The following SKAP2 variants were observed in gnomAD, a reference collection of about 807,000 sequenced individuals.
The protein encoded by SKAP2 is src kinase associated phosphoprotein 2, also known as src kinase-associated phosphoprotein 2.
Under a neutral mutation model 54.9 loss-of-function variants are expected in SKAP2, and 28 were observed. The ratio of observed to expected loss-of-function variants is 0.51; its 90% CI spans 0.38 to 0.70. The LOEUF is 0.70. Ranked by LOEUF, SKAP2 falls within the 30% of genes least tolerant of loss-of-function variation. The probability of loss-of-function intolerance (pLI) is 0.00; values close to 1 mark genes in which losing one functional copy is unlikely to be tolerated. For synonymous variants in SKAP2, 137 were observed against 134.3 expected, an observed-to-expected ratio of 1.02 and a Z score of -0.14; for missense variants, 356 against 424.1, an observed-to-expected ratio of 0.84 and a Z score of 1.41.
chr7:26,850,220 T>G (rs1785009722), intron 3 of SKAP2, among the ~76,000 whole-genome samples: 2 of 152,140 alleles, frequency 1.3e-5, no homozygotes, highest in African/African-American at 4.8e-5. Flanking sequence ...GCATGAAGCC[T>G]AAATTCGGGA....
At chr7:26,795,785 T>C (rs889904756) in intron 4 of SKAP2, among the ~76,000 whole-genome samples, 5 of 152,202 alleles carry the variant, frequency 3.3e-5, no homozygotes, top group African/African-American at 1.2e-4. Context: ...TCTCTCCCAC[T>C]ACCTGGTGAT....
At chr7:26,758,093 C>A (rs1782838343) in intron 4 of SKAP2, among the ~76,000 whole-genome samples, 1 of 152,124 alleles carries the variant, frequency 6.6e-6, no homozygotes, top group African/African-American at 2.4e-5. Flanking sequence ...TAAGAAATAT[C>A]TGGTTCCATG....
intron 9 of SKAP2, among the ~76,000 whole-genome samples, chr7:26,720,193 G>A (rs899761080): frequency 6.6e-6 from 1 of 151,962 alleles, no homozygotes; most frequent in Middle Eastern, 3.2e-3. Flanking sequence ...GCTCCAATTT[G>A]CAAAAATGAG....
intron 4 of SKAP2, among the ~76,000 whole-genome samples, chr7:26,816,765 G>A (rs1480540754): frequency 6.6e-6 from 1 of 152,046 alleles, no homozygotes; most frequent in Non-Finnish European, 1.5e-5. Context: ...TTAATTAGTT[G>A]CTAAGTATGA....
chr7:26,823,585 G>A (rs971601833), intron 4 of SKAP2, among the ~76,000 whole-genome samples: 5 of 152,114 alleles, frequency 3.3e-5, no homozygotes, highest in African/African-American at 4.8e-5. Context: ...ATTCTATGAA[G>A]GCTAACAGAG....
chr7:26,772,615 C>T (rs1324612228), intron 4 of SKAP2, among the ~76,000 whole-genome samples: 2 of 152,122 alleles, frequency 1.3e-5, no homozygotes, highest in Non-Finnish European at 2.9e-5. Context: ...TTTTCTTTAT[C>T]CAGTCCACTG....
the SKAP2 span, among the ~76,000 whole-genome samples, chr7:26,656,878 T>C: frequency 6.6e-6 from 1 of 152,096 alleles, no homozygotes; most frequent in African/African-American, 2.4e-5. Flanking sequence ...CAAGCACCTA[T>C]ACTCCCAGAT....
rs565329169 is a variant in SKAP2, at chr7:26,815,503, T to A, written c.307+28527A>T. On this transcript the variant is annotated intron_variant, in intron 4 of 12. Transcript: ENST00000345317. The stretch of plus-strand genomic sequence containing the variant: ...TAAAAGGGTCGAATAGCAAAAAACA[T>A]CCCATCAGCTGTCTAACAATATGAC... Among the ~76,000 whole-genome samples the A allele has an allele frequency of 5.9e-4, 90 of 152,190 alleles. 1 individual carries two copies. The highest frequency in any genetic ancestry group is 1.0e-3 in the South Asian group (5 of 4,828).
intron 7 of SKAP2, 40 bp downstream of exon 7, chr7:26,726,841 AT>A: frequency 6.5e-7 from 1 of 1,535,694 alleles, no homozygotes; most frequent in Non-Finnish European, 8.8e-7. Context: ...AAATCAAAAC[AT>A]TTTATCAACT....
At chr7:26,793,233 CA>C (rs1783706066) in intron 4 of SKAP2, among the ~76,000 whole-genome samples, 1 of 152,178 alleles carries the variant, frequency 6.6e-6, no homozygotes, top group Non-Finnish European at 1.5e-5. Flanking sequence ...TATCCTTTAC[CA>C]AACTATGTTG....
chr7:26,725,372 TCACACACA>T (rs139615753), intron 9 of SKAP2, 48 bp downstream of exon 9: 1 of 1,009,498 alleles, frequency 9.9e-7, no homozygotes, highest in African/African-American at 1.6e-5. Flanking sequence ...ACACACACAC[TCACACACA>T]CACACACAGC....
intron 4 of SKAP2, among the ~76,000 whole-genome samples, chr7:26,760,944 AAGAG>A (rs1437526479): frequency 6.6e-6 from 1 of 152,230 alleles, no homozygotes; most frequent in Non-Finnish European, 1.5e-5. Context: ...AAGGCCAAGA[AAGAG>A]AACTACTGGA....
intron 4 of SKAP2, among the ~76,000 whole-genome samples, chr7:26,806,480 T>C (rs1784026165): frequency 6.6e-6 from 1 of 152,106 alleles, no homozygotes; most frequent in African/African-American, 2.4e-5. Flanking sequence ...AGGAAACAGG[T>C]AGGAGAAGCC....
At chr7:26,656,622 C>T in the SKAP2 span, among the ~76,000 whole-genome samples, 1 of 152,122 alleles carries the variant, frequency 6.6e-6, no homozygotes, top group Non-Finnish European at 1.5e-5. Context: ...ATTATACAAA[C>T]CCCAAAGAGC....
chr7:26,864,273 GATAAGGGCTCTGA>G, intron 1 of SKAP2, 77 bp downstream of exon 1: 1 of 1,503,886 alleles, frequency 6.6e-7, no homozygotes, highest in Non-Finnish European at 9.2e-7. Flanking sequence ...GGGGAGGGAG[GATAAGGGCTCTGA>G]ATGCTTCTGT....
chr7:26,799,794 T>A (rs184502093), intron 4 of SKAP2, among the ~76,000 whole-genome samples: 5 of 152,304 alleles, frequency 3.3e-5, no homozygotes, highest in African/African-American at 1.2e-4. Flanking sequence ...TTCTCAAGAA[T>A]AGACCATATG....
intron 1 of SKAP2, among the ~76,000 whole-genome samples, chr7:26,856,795 A>G (rs1186379298): frequency 6.6e-6 from 1 of 152,100 alleles, no homozygotes; most frequent in Non-Finnish European, 1.5e-5. Context: ...TGTTATTTTC[A>G]CTCAATGTTT....
chr7:26,670,468 G>T (rs1288300432), intron 11 of SKAP2, among the ~76,000 whole-genome samples: 1 of 151,992 alleles, frequency 6.6e-6, no homozygotes, highest in African/African-American at 2.4e-5. Context: ...ACCTCAGGAA[G>T]CCTTCTCTCG....
chr7:26,864,234 C>A (rs1785326973), intron 1 of SKAP2, 129 bp downstream of exon 1: 1 of 1,091,904 alleles, frequency 9.2e-7, no homozygotes. Flanking sequence ...CCTGTGCCGA[C>A]CCCACTGGCT....
Sources: gnomAD v4.1 joint callset for allele counts (sites outside exome capture counted in the v4.1 genomes callset) on GRCh38, gnomAD v4.1.1 for gene constraint, MANE v1.5 for transcripts, NCBI Gene and HGNC (gene_info 2026-07-23, HGNC 2026-07-21) for gene names.